Variants in NKAIN3 observed in about 807,000 individuals in gnomAD.
The protein encoded by NKAIN3 is sodium/potassium transporting ATPase interacting 3, also known as sodium/potassium-transporting ATPase subunit beta-1-interacting protein 3.
NKAIN3 carries 25 observed loss-of-function variants against 30.2 expected under a neutral mutation model. The observed-to-expected ratio is 0.83, with a 90% CI of 0.60 to 1.16. The LOEUF (loss-of-function observed/expected upper bound fraction) is 1.16. Ranked by LOEUF, NKAIN3 falls within the 50% of genes most tolerant of loss-of-function variation. NKAIN3 has a pLI of 0.00. For synonymous variants in NKAIN3, 91 were observed against 89.6 expected, an observed-to-expected ratio of 1.02 and a Z score of -0.09; for missense variants, 225 against 254.1, an observed-to-expected ratio of 0.89 and a Z score of 0.78.
chr8:62,293,732 C>T (rs968984898), intron 1 of NKAIN3, among the ~76,000 whole-genome samples: 18 of 152,142 alleles, frequency 1.2e-4, no homozygotes, highest in African/African-American at 4.1e-4. Flanking sequence ...TCTCAAACTC[C>T]GTGCTTGGAG....
intron 1 of NKAIN3, among the ~76,000 whole-genome samples, chr8:62,413,256 A>G (rs923157929): frequency 1.3e-5 from 2 of 152,162 alleles, no homozygotes; most frequent in Non-Finnish European, 2.9e-5. Flanking sequence ...AGAGTTTAAC[A>G]TCTCTTTAAG....
At chr8:62,739,085 A>G (rs1436151697) in intron 3 of NKAIN3, among the ~76,000 whole-genome samples, 1 of 152,166 alleles carries the variant, frequency 6.6e-6, no homozygotes, top group Non-Finnish European at 1.5e-5. Context: ...GGACACAGGG[A>G]GGGAAACATC....
intron 1 of NKAIN3, among the ~76,000 whole-genome samples, chr8:62,364,593 A>G (rs2129592748): frequency 6.6e-6 from 1 of 152,188 alleles, no homozygotes; most frequent in East Asian, 1.9e-4. Flanking sequence ...CTGTAATCCC[A>G]GCACTTTGGG....
In NKAIN3 at chr8:62,638,146, A is replaced by G. The variant is rs116903299; in HGVS notation, c.273+48352A>G. On this transcript the variant is annotated intron_variant, in intron 3 of 6. Coordinates refer to ENST00000623646, the MANE Select transcript of NKAIN3 (RefSeq NM_001304533.3). ...ACTCCTGTTTAAAGACCTTGCAAAG[A>G]AAGTGAATGATTGGCTCATGCTAAT... 3.9e-5 allele frequency among the ~76,000 whole-genome samples: 6 copies of G among 152,294 alleles called. No homozygotes were observed. In the East Asian group the frequency reaches 1.2e-3, roughly 29 times the overall value.
intron 1 of NKAIN3, among the ~76,000 whole-genome samples, chr8:62,504,636 T>C (rs6472034): frequency 0.74 from 112,850 of 151,998 alleles, 42,057 homozygotes; most frequent in South Asian, 0.81. Context: ...AAATGGAAAA[T>C]CAAACCATCC....
rs141879732 is a variant in NKAIN3 at position 62,881,571 on chromosome 8, G to A, written c.472-36882G>A. ...AATAGAGAACCCAGCAATAGTCTTC[G>A]TAGCTAGTTTCTTTTTAGACCGCAT... On this transcript the variant is annotated intron_variant, in intron 4 of 6. Transcript: ENST00000623646. 4.8e-3 allele frequency among the ~76,000 whole-genome samples: 733 copies of A among 152,252 alleles called. 7 individuals are homozygous for A. The highest frequency in any genetic ancestry group is 0.017 in the African/African-American group (699 of 41,548).
At chr8:62,924,767 T>C (rs890054881) in intron 5 of NKAIN3, among the ~76,000 whole-genome samples, 1 of 152,212 alleles carries the variant, frequency 6.6e-6, no homozygotes, top group African/African-American at 2.4e-5. Context: ...CACAGAGTTC[T>C]GTTGTGAAAA....
intron 4 of NKAIN3, among the ~76,000 whole-genome samples, chr8:62,806,695 C>A (rs1481000962): frequency 6.6e-6 from 1 of 151,620 alleles, no homozygotes; most frequent in Non-Finnish European, 1.5e-5. Flanking sequence ...AGGAGATATA[C>A]CTAATGCTAA....
chr8:62,439,804 T>C (rs921774511), intron 1 of NKAIN3, among the ~76,000 whole-genome samples: 2 of 152,198 alleles, frequency 1.3e-5, no homozygotes, highest in African/African-American at 4.8e-5. Flanking sequence ...AGCAATTTTT[T>C]TGTTGTTGTT....
chr8:62,259,258 C>G (rs549963406), intron 1 of NKAIN3, among the ~76,000 whole-genome samples: 1 of 152,076 alleles, frequency 6.6e-6, no homozygotes, highest in Non-Finnish European at 1.5e-5. Flanking sequence ...TTTTGATTTT[C>G]TTATAATACT....
chr8:62,765,468 C>G (rs1359338514), intron 4 of NKAIN3, among the ~76,000 whole-genome samples: 1 of 151,910 alleles, frequency 6.6e-6, no homozygotes, highest in Non-Finnish European at 1.5e-5. Flanking sequence ...CAGAATTCAC[C>G]TGCCCCTAAT....
chr8:62,514,207 C>G (rs1275371745), intron 1 of NKAIN3, among the ~76,000 whole-genome samples: 1 of 152,084 alleles, frequency 6.6e-6, no homozygotes, highest in Non-Finnish European at 1.5e-5. Context: ...CTATGACATC[C>G]ACTCATGCTC....
intron 6 of NKAIN3, among the ~76,000 whole-genome samples, chr8:62,962,969 G>A (rs774250997): frequency 6.6e-6 from 1 of 151,906 alleles, no homozygotes; most frequent in Non-Finnish European, 1.5e-5. Context: ...TCAGCTCACT[G>A]CAACGTCCAC....
chr8:62,573,033 G>C (rs186742050), intron 1 of NKAIN3, among the ~76,000 whole-genome samples: 1 of 152,124 alleles, frequency 6.6e-6, no homozygotes, highest in African/African-American at 2.4e-5. Context: ...ATGATTCATA[G>C]ACTTGCAGGA....
chr8:62,458,872 G>A (rs558141951), intron 1 of NKAIN3, among the ~76,000 whole-genome samples: 8 of 152,302 alleles, frequency 5.3e-5, no homozygotes, highest in Admixed American at 1.3e-4. Context: ...CTGTAGGGAC[G>A]AGTCTATTTT....
At chr8:62,507,397 G>A (rs1413227937) in intron 1 of NKAIN3, among the ~76,000 whole-genome samples, 1 of 152,170 alleles carries the variant, frequency 6.6e-6, no homozygotes, top group Non-Finnish European at 1.5e-5. Context: ...TTGAATAAGA[G>A]AATCATTTTA....
At chr8:62,268,785 C>T (rs1812685363) in intron 1 of NKAIN3, among the ~76,000 whole-genome samples, 1 of 152,002 alleles carries the variant, frequency 6.6e-6, no homozygotes, top group South Asian at 2.1e-4. Context: ...ATGTCTATAC[C>T]CAGGTTCTCT....
At chr8:62,988,980 G>A (rs1012279341), downstream of NKAIN3, among the ~76,000 whole-genome samples, 31 of 152,132 alleles carry the variant, frequency 2.0e-4, no homozygotes, top group African/African-American at 7.0e-4. Flanking sequence ...CAGATCTCTA[G>A]GACAGGGGCA....
intron 1 of NKAIN3, among the ~76,000 whole-genome samples, chr8:62,276,603 T>C (rs1337193267): frequency 6.6e-6 from 1 of 152,216 alleles, no homozygotes; most frequent in Non-Finnish European, 1.5e-5. Context: ...TATTTGGTTT[T>C]GTCTGTTAAA....
Sources: gnomAD v4.1 joint callset for allele counts (sites outside exome capture counted in the v4.1 genomes callset) on GRCh38, gnomAD v4.1.1 for gene constraint, MANE v1.5 for transcripts, NCBI Gene and HGNC (gene_info 2026-07-23, HGNC 2026-07-21) for gene names.